LRRC1: variants seen among roughly 807,000 people sequenced by gnomAD.
LRRC1 encodes the protein leucine rich repeat containing 1, also known as leucine-rich repeat-containing protein 1.
In LRRC1, 28 loss-of-function variants were observed where a neutral mutation model predicts 69.9. The observed-to-expected ratio is 0.40, with a 90% CI of 0.30 to 0.55. The LOEUF (loss-of-function observed/expected upper bound fraction) is 0.55. Among genes scored for constraint, LRRC1 ranks in the 20% least tolerant of loss-of-function variants. The probability of loss-of-function intolerance (pLI) is 0.47; values close to 1 mark genes in which losing one functional copy is unlikely to be tolerated. For synonymous variants in LRRC1, 236 were observed against 240.2 expected, an observed-to-expected ratio of 0.98 and a Z score of 0.16; for missense variants, 498 against 609.0, an observed-to-expected ratio of 0.82 and a Z score of 1.92.
At chr6:53,879,110 A>T (rs779623480) in intron 3 of LRRC1, 39 bp downstream of exon 3, 2 of 1,452,154 alleles carry the variant, frequency 1.4e-6, no homozygotes. Context: ...TACTAGTAAG[A>T]GTATCTTTTT....
chr6:53,853,283 T>TA (rs1491578289), intron 2 of LRRC1, among the ~76,000 whole-genome samples: 15 of 40,960 alleles, frequency 3.7e-4, no homozygotes, highest in Non-Finnish European at 5.1e-4. Context: ...GTGGTTCATA[T>TA]TTTTTTTTTT....
intron 3 of LRRC1, among the ~76,000 whole-genome samples, chr6:53,882,426 C>T (rs557637389): frequency 1.3e-5 from 2 of 152,192 alleles, no homozygotes; most frequent in Non-Finnish European, 2.9e-5. Context: ...TTATAAACTA[C>T]AGGAAGAAAA....
intron 1 of LRRC1, among the ~76,000 whole-genome samples, chr6:53,840,961 AGTGGAGATCAGATGAG>A (rs1228894707): frequency 6.8e-6 from 1 of 147,574 alleles, no homozygotes; most frequent in African/African-American, 2.5e-5. Context: ...TGCATGTGGC[AGTGGAGATCAGATGAG>A]GTGGGCCTGT....
At chr6:53,844,940 C>T (rs750624889) in intron 2 of LRRC1, among the ~76,000 whole-genome samples, 116 of 152,266 alleles carry the variant, frequency 7.6e-4, no homozygotes, top group Non-Finnish European at 3.8e-4. Context: ...TGCGGTGGCT[C>T]ACGCCTGTAA....
chr6:53,850,419 C>G (rs9349682), intron 2 of LRRC1, among the ~76,000 whole-genome samples: 56,485 of 151,998 alleles, frequency 0.37, 10,969 homozygotes, highest in East Asian at 0.64. Flanking sequence ...AAATTTATTT[C>G]AAATGTTTGT....
chr6:53,804,108 G>C (rs1764569464), intron 1 of LRRC1, among the ~76,000 whole-genome samples: 1 of 152,176 alleles, frequency 6.6e-6, no homozygotes, highest in African/African-American at 2.4e-5. Flanking sequence ...TGGCTATGGT[G>C]TTGTCTTGTG....
At chr6:53,849,497 G>T (rs551069363) in intron 2 of LRRC1, among the ~76,000 whole-genome samples, 1 of 152,266 alleles carries the variant, frequency 6.6e-6, no homozygotes, top group East Asian at 1.9e-4. Context: ...ATTTTGCCGT[G>T]TGAATCTGGC....
At position 53,847,961 on chromosome 6, in the gene LRRC1, C is replaced by A. The variant is rs77562988; in HGVS notation, c.277+5734C>A. 2.7e-3 allele frequency among the ~76,000 whole-genome samples: 416 copies of A among 152,254 alleles called. 1 individual carries two copies. The highest frequency in any genetic ancestry group is 4.6e-3 in the Non-Finnish European group (310 of 68,018). ...TGGTAGAAACAAGTTTTTACCCATG[C>A]GGACTTCAGACTTGCCACAATTAAG... is the stretch of plus-strand genomic sequence containing the variant. On this transcript the variant is annotated intron_variant, in intron 2 of 13. Coordinates refer to ENST00000370888, the MANE Select transcript of LRRC1 (RefSeq NM_018214.5).
At chr6:53,911,603 C>T (rs1007938313) in intron 10 of LRRC1, among the ~76,000 whole-genome samples, 2 of 152,200 alleles carry the variant, frequency 1.3e-5, no homozygotes, top group African/African-American at 4.8e-5. Context: ...AGGACGCTAG[C>T]GGGGGTCTTC....
intron 1 of LRRC1, among the ~76,000 whole-genome samples, chr6:53,827,772 T>C (rs1175953725): frequency 1.3e-5 from 2 of 152,202 alleles, no homozygotes; most frequent in African/African-American, 4.8e-5. Flanking sequence ...ATACCTTCCA[T>C]GCCTTGTCTT....
At chr6:53,919,727 G>T in intron 12 of LRRC1, 57 bp downstream of exon 12, 1 of 1,502,660 alleles carries the variant, frequency 6.7e-7, no homozygotes, top group Non-Finnish European at 9.1e-7. Context: ...AGGACCTAAT[G>T]TCTGTCCATA....
rs570004819 is a variant in LRRC1, at chr6:53,825,757, A to G, written c.160-16353A>G. Reference sequence around the variant, plus strand: ...GGTTTGTAGGCGTTAAGTGGGGAACAGGTGATGGTCCATCTTTTAGAACCA... The same window carrying G: ...GGTTTGTAGGCGTTAAGTGGGGAACGGGTGATGGTCCATCTTTTAGAACCA... On this transcript the variant is annotated intron_variant, in intron 1 of 13. Coordinates refer to ENST00000370888, the MANE Select transcript of LRRC1 (RefSeq NM_018214.5). Among the ~76,000 whole-genome samples the G allele has an allele frequency of 3.2e-4, 48 of 152,282 alleles. 1 individual carries two copies. Among genetic ancestry groups the G allele is most frequent in the African/African-American group, 1.1e-3 (45 of 41,572 alleles).
chr6:53,900,599 T>C (rs1768028796), intron 8 of LRRC1, among the ~76,000 whole-genome samples: 1 of 152,234 alleles, frequency 6.6e-6, no homozygotes, highest in African/African-American at 2.4e-5. Flanking sequence ...AGAAAATGAC[T>C]GACTTATTCC....
chr6:53,880,298 C>G (rs1346373911), intron 3 of LRRC1, among the ~76,000 whole-genome samples: 1 of 152,084 alleles, frequency 6.6e-6, no homozygotes, highest in Non-Finnish European at 1.5e-5. Context: ...AAGCTATACC[C>G]TAATAGCTTT....
At chr6:53,873,003 T>C (rs1005478607) in intron 2 of LRRC1, among the ~76,000 whole-genome samples, 5 of 152,056 alleles carry the variant, frequency 3.3e-5, no homozygotes, top group Non-Finnish European at 7.4e-5. Flanking sequence ...GTGATCTGCC[T>C]GCTTCGACCT....
intron 2 of LRRC1, among the ~76,000 whole-genome samples, chr6:53,864,903 C>T (rs904250634): frequency 2.6e-5 from 4 of 151,968 alleles, no homozygotes; most frequent in African/African-American, 9.7e-5. Flanking sequence ...TTTGAGCAAT[C>T]GATAGTTGGA....
At chr6:53,860,491 T>A (rs1429855749) in intron 2 of LRRC1, among the ~76,000 whole-genome samples, 1 of 151,648 alleles carries the variant, frequency 6.6e-6, no homozygotes, top group African/African-American at 2.4e-5. Flanking sequence ...TGTTTTTGAA[T>A]TCTTTTTAGA....
At chr6:53,837,604 A>G (rs1405902130) in intron 1 of LRRC1, among the ~76,000 whole-genome samples, 1 of 152,142 alleles carries the variant, frequency 6.6e-6, no homozygotes, top group African/African-American at 2.4e-5. Context: ...TGAATTTGTA[A>G]CAATGGTTTA....
intron 4 of LRRC1, among the ~76,000 whole-genome samples, chr6:53,892,546 T>A (rs543284002): frequency 6.6e-6 from 1 of 152,172 alleles, no homozygotes; most frequent in Non-Finnish European, 1.5e-5. Context: ...AGGAGCATGT[T>A]CCTTATGGGG....
Sources: allele counts gnomAD v4.1 joint callset (sites outside exome capture counted in the v4.1 genomes callset), GRCh38; gene constraint gnomAD v4.1.1; transcripts MANE v1.5; gene names NCBI Gene and HGNC (gene_info 2026-07-23, HGNC 2026-07-21).